Variants in NAALADL2 observed in about 807,000 individuals in gnomAD.
NAALADL2 encodes N-acetylated alpha-linked acidic dipeptidase like 2, also known as inactive N-acetylated-alpha-linked acidic dipeptidase-like protein 2.
A neutral mutation model predicts 87.2 loss-of-function variants in NAALADL2; 76 were observed. The ratio of observed to expected loss-of-function variants is 0.87; its 90% CI spans 0.72 to 1.05. The LOEUF (loss-of-function observed/expected upper bound fraction) is 1.05, where lower values mean the gene tolerates loss of function less well. Among genes scored for constraint, NAALADL2 ranks in the 50% least tolerant of loss-of-function variants. NAALADL2 has a pLI of 0.00. For synonymous variants in NAALADL2, 354 were observed against 331.0 expected, an observed-to-expected ratio of 1.07 and a Z score of -0.75; for missense variants, 1,089 against 945.8, an observed-to-expected ratio of 1.15 and a Z score of -1.99.
chr3:175,319,798 C>T lies in NAALADL2; in HGVS notation c.940-4377C>T, dbSNP rs137990771. 3.0e-3 allele frequency among the ~76,000 whole-genome samples: 453 copies of T among 152,134 alleles called. 1 individual carries two copies. Among genetic ancestry groups the T allele is most frequent in the African/African-American group, 0.01 (416 of 41,496 alleles). On this transcript the variant is annotated intron_variant, in intron 4 of 13. Coordinates refer to ENST00000454872, the MANE Select transcript of NAALADL2 (RefSeq NM_207015.3). ...TTGCACCACTGCAATCCAGCCTGGGCGACAGAGCGAGACTGTGTTTCAAAA... is the reference window on the plus strand; with the variant it reads ...TTGCACCACTGCAATCCAGCCTGGGTGACAGAGCGAGACTGTGTTTCAAAA...
Position 175,619,906 on chromosome 3 carries a change from A to G in NAALADL2, c.1801-7385A>G, listed in dbSNP as rs570691410. 1.1e-4 allele frequency among the ~76,000 whole-genome samples: 17 copies of G among 152,104 alleles called. No individual in the cohort carries two copies. In the South Asian group the frequency reaches 1.5e-3, roughly 13 times the overall value. On this transcript the variant is annotated intron_variant, in intron 10 of 13. Transcript: ENST00000454872. ...GATCCCACGTGATGGCTAGACCTCT[A>G]TGAAGCCAAACTGGATTGGAAAAAA...
At chr3:175,478,680 CTT>C (rs1467540472) in intron 9 of NAALADL2, among the ~76,000 whole-genome samples, 3 of 151,842 alleles carry the variant, frequency 2.0e-5, no homozygotes, top group Non-Finnish European at 4.4e-5. Flanking sequence ...AGCTGAGTTA[CTT>C]TTTGTCTGCA....
intron 11 of NAALADL2, among the ~76,000 whole-genome samples, chr3:175,735,373 C>T (rs1211845869): frequency 6.6e-6 from 1 of 152,174 alleles, no homozygotes; most frequent in African/African-American, 2.4e-5. Flanking sequence ...CCAATGTCTC[C>T]CTATTTCCCA....
chr3:175,032,068 G>A (rs1048837800), intron 1 of NAALADL2, among the ~76,000 whole-genome samples: 2 of 151,874 alleles, frequency 1.3e-5, no homozygotes, highest in African/African-American at 4.8e-5. Flanking sequence ...TATGTTGTCT[G>A]TTTATTTTTT....
intron 4 of NAALADL2, chr3:175,256,842 T>C (rs1750038507): frequency 5.7e-6 from 1 of 174,422 alleles, no homozygotes; most frequent in Non-Finnish European, 1.2e-5. Context: ...GGTACCTATC[T>C]GGAATAGTAA....
intron 2 of NAALADL2, among the ~76,000 whole-genome samples, chr3:174,589,452 G>A (rs371324489): frequency 4.6e-5 from 7 of 152,130 alleles, no homozygotes; most frequent in African/African-American, 1.4e-4. Flanking sequence ...CTTCTGCGTC[G>A]CTTATGCTGG....
chr3:175,703,701 C>T (rs1214066281), intron 11 of NAALADL2, among the ~76,000 whole-genome samples: 3 of 152,058 alleles, frequency 2.0e-5, no homozygotes, highest in South Asian at 4.1e-4. Flanking sequence ...TGAGATCGTG[C>T]CACTGCATTC....
At position 175,303,185 on chromosome 3, in the gene NAALADL2, T is replaced by C. The variant is rs1248288106; in HGVS notation, c.940-20990T>C. ...GCCCCACTACTTTATGCTGATTGAT[T>C]AGACAAGTTACTTAAATTTTTGGCC... On this transcript the variant is annotated intron_variant, in intron 4 of 13. Coordinates refer to ENST00000454872, the MANE Select transcript of NAALADL2 (RefSeq NM_207015.3). Among the ~76,000 whole-genome samples, 3 of 152,116 alleles carry C rather than the reference T, an allele frequency of 2.0e-5. No individual in the cohort carries two copies. The East Asian group carries it at 5.8e-4, about 29-fold the overall frequency.
intron 3 of NAALADL2, among the ~76,000 whole-genome samples, chr3:174,831,883 A>G (rs1269685587): frequency 1.3e-5 from 2 of 150,750 alleles, no homozygotes; most frequent in Non-Finnish European, 1.5e-5. Flanking sequence ...TAGATTTTCT[A>G]GTTTATTTGC....
At chr3:174,738,850 G>A (rs1328752122) in intron 3 of NAALADL2, among the ~76,000 whole-genome samples, 1 of 151,808 alleles carries the variant, frequency 6.6e-6, no homozygotes, top group Non-Finnish European at 1.5e-5. Flanking sequence ...AGTACATTTG[G>A]GGAAAAAATT....
At chr3:174,511,245 C>G (rs1243769995) in intron 1 of NAALADL2, among the ~76,000 whole-genome samples, 3 of 151,786 alleles carry the variant, frequency 2.0e-5, no homozygotes, top group Admixed American at 6.6e-5. Flanking sequence ...CTTGTTTTAT[C>G]AATTGCTGAG....
At chr3:175,283,529 C>T (rs193155190) in intron 4 of NAALADL2, among the ~76,000 whole-genome samples, 34 of 152,064 alleles carry the variant, frequency 2.2e-4, no homozygotes, top group African/African-American at 6.7e-4. Flanking sequence ...AAGAGCCCTC[C>T]GTAGCAATGT....
At chr3:175,219,630 C>T (rs1172365306) in intron 2 of NAALADL2, among the ~76,000 whole-genome samples, 1 of 151,978 alleles carries the variant, frequency 6.6e-6, no homozygotes. Context: ...TTACTGTTTA[C>T]CTTTATAATT....
At chr3:175,136,077 C>T (rs549362618) in intron 2 of NAALADL2, among the ~76,000 whole-genome samples, 32 of 152,220 alleles carry the variant, frequency 2.1e-4, no homozygotes, top group Admixed American at 5.2e-4. Flanking sequence ...CCATTGTGAA[C>T]CTACTCCTTA....
chr3:175,562,591 G>A (rs4629345), intron 9 of NAALADL2, among the ~76,000 whole-genome samples: 1 of 151,470 alleles, frequency 6.6e-6, no homozygotes, highest in East Asian at 1.9e-4. Flanking sequence ...TAGATTGCAA[G>A]TACAATATCA....
chr3:174,442,207 C>G (rs1714706598), intron 1 of NAALADL2, among the ~76,000 whole-genome samples: 1 of 152,130 alleles, frequency 6.6e-6, no homozygotes, highest in Non-Finnish European at 1.5e-5. Context: ...TGAGCACTGG[C>G]TTAATCCTAC....
At chr3:175,428,620 C>A (rs1717223885) in intron 5 of NAALADL2, among the ~76,000 whole-genome samples, 1 of 152,056 alleles carries the variant, frequency 6.6e-6, no homozygotes, top group African/African-American at 2.4e-5. Context: ...AATCTGTCTT[C>A]TTCATTCTGG....
At chr3:174,664,595 T>C (rs1460946298) in intron 2 of NAALADL2, among the ~76,000 whole-genome samples, 2 of 152,214 alleles carry the variant, frequency 1.3e-5, no homozygotes, top group African/African-American at 4.8e-5. Flanking sequence ...ATACATTATG[T>C]GTTTTTAAAT....
At chr3:175,132,328 T>C (rs555109570) in intron 2 of NAALADL2, among the ~76,000 whole-genome samples, 25 of 49,102 alleles carry the variant, frequency 5.1e-4, no homozygotes, top group South Asian at 3.0e-3. Flanking sequence ...CCCCACCTCC[T>C]TCCCGGACGA....
Sources: allele counts gnomAD v4.1 joint callset (sites outside exome capture counted in the v4.1 genomes callset), GRCh38; gene constraint gnomAD v4.1.1; transcripts MANE v1.5; gene names NCBI Gene and HGNC (gene_info 2026-07-23, HGNC 2026-07-21).